SMAD1: variants seen among roughly 807,000 people sequenced by gnomAD.
SMAD1 encodes the protein MAD, mothers against decapentaplegic homolog 1.
Under a neutral mutation model 41.6 loss-of-function variants are expected in SMAD1, and 6 were observed. The observed-to-expected ratio is 0.14, with a 90% CI of 0.08 to 0.28. The LOEUF is 0.28. SMAD1 is among the 10% of genes least tolerant of loss of function. The pLI, the probability that SMAD1 is intolerant of heterozygous loss-of-function variation, is 1.00. For missense variants in SMAD1, 379 were observed against 582.6 expected (o/e 0.65, Z 3.60); for synonymous variants, 206 against 203.2 (o/e 1.01, Z -0.12).
At chr4:145,540,173 T>G (rs1731842259) in intron 3 of SMAD1, 112 bp downstream of exon 3, 4 of 1,220,678 alleles carry the variant, frequency 3.3e-6, no homozygotes, top group Non-Finnish European at 4.7e-6. Context: ...CCCTGGTATA[T>G]GACATAGTGC....
intron 2 of SMAD1, among the ~76,000 whole-genome samples, chr4:145,528,252 C>T (rs1050054726): frequency 1.3e-5 from 2 of 151,908 alleles, no homozygotes; most frequent in Non-Finnish European, 1.5e-5. Flanking sequence ...TACAGGCGCC[C>T]GCCACTACAC....
upstream of SMAD1, chr4:145,481,647 C>G (rs540456217): frequency 6.5e-6 from 1 of 153,490 alleles, no homozygotes; most frequent in African/African-American, 2.4e-5. Context: ...GCCGCTCCCC[C>G]GCGCCGTCCT....
At chr4:145,533,897 A>G (rs1731463817) in intron 2 of SMAD1, among the ~76,000 whole-genome samples, 1 of 152,190 alleles carries the variant, frequency 6.6e-6, no homozygotes, top group African/African-American at 2.4e-5. Flanking sequence ...ACTGAGTTGC[A>G]TGCCCCAAAA....
intron 2 of SMAD1, among the ~76,000 whole-genome samples, chr4:145,522,273 A>C (rs1209340769): frequency 6.6e-6 from 1 of 151,682 alleles, no homozygotes; most frequent in Admixed American, 6.6e-5. Context: ...CACTCCAGCC[A>C]GGGCGACAGA....
chr4:145,486,537 T>A (rs1290561410), intron 1 of SMAD1, among the ~76,000 whole-genome samples: 1 of 152,218 alleles, frequency 6.6e-6, no homozygotes, highest in Admixed American at 6.5e-5. Flanking sequence ...TCGATGAAAC[T>A]ATGGATCTTG....
intron 2 of SMAD1, among the ~76,000 whole-genome samples, chr4:145,529,011 A>C (rs1210962177): frequency 6.6e-6 from 1 of 152,230 alleles, no homozygotes; most frequent in Non-Finnish European, 1.5e-5. Context: ...ACAGCTTGGT[A>C]TGTGGCACTT....
intron 5 of SMAD1, 90 bp downstream of exon 5, chr4:145,547,014 G>C (rs375845880): frequency 3.2e-5 from 34 of 1,047,428 alleles, no homozygotes; most frequent in Middle Eastern, 4.1e-4. Flanking sequence ...GTAACAAACT[G>C]TTGTAGCAAA....
chr4:145,535,937 C>A (rs1731587187), intron 2 of SMAD1, among the ~76,000 whole-genome samples: 7 of 141,584 alleles, frequency 4.9e-5, no homozygotes, highest in South Asian at 2.2e-4. Flanking sequence ...GGGATGAATC[C>A]AAGTAGATTT....
chr4:145,493,902 A>G (rs1172208541), intron 1 of SMAD1, among the ~76,000 whole-genome samples: 1 of 152,220 alleles, frequency 6.6e-6, no homozygotes, highest in Non-Finnish European at 1.5e-5. Flanking sequence ...TGGGGAAAAA[A>G]GTCTGATGCA....
chr4:145,536,356 T>C (rs1232995484), intron 2 of SMAD1, among the ~76,000 whole-genome samples: 1 of 151,994 alleles, frequency 6.6e-6, no homozygotes, highest in Non-Finnish European at 1.5e-5. Flanking sequence ...GCTGGAGTGG[T>C]GGAAAGGGAA....
At chr4:145,506,689 TAAA>T (rs375810018) in intron 1 of SMAD1, among the ~76,000 whole-genome samples, 2 of 151,442 alleles carry the variant, frequency 1.3e-5, no homozygotes, top group East Asian at 1.9e-4. Flanking sequence ...TTAGGGTAAT[TAAA>T]AAAAAACTTT....
Position 145,516,524 on chromosome 4 carries a change from G to C in SMAD1, c.400+1511G>C, listed in dbSNP as rs944818622. Among the ~76,000 whole-genome samples, 3 of 151,884 alleles carry C rather than the reference G, an allele frequency of 2.0e-5. No homozygotes were observed. In the South Asian group the frequency reaches 6.2e-4, roughly 32 times the overall value. ...TATTTCTAGATAACTGGTTTTTATT[G>C]TATCCTTTTAAAAGTTACATTTTGT... is the stretch of plus-strand genomic sequence containing the variant. On this transcript the variant is annotated intron_variant, in intron 2 of 6. Transcript: ENST00000302085.
At chr4:145,494,276 G>T (rs1277310629) in intron 1 of SMAD1, among the ~76,000 whole-genome samples, 1 of 152,086 alleles carries the variant, frequency 6.6e-6, no homozygotes, top group African/African-American at 2.4e-5. Context: ...CATTCTTTCA[G>T]CAAGGTTTTG....
chr4:145,493,385 T>C (rs928148549), intron 1 of SMAD1, among the ~76,000 whole-genome samples: 3 of 152,266 alleles, frequency 2.0e-5, no homozygotes, highest in Non-Finnish European at 2.9e-5. Context: ...TTTTTGCACA[T>C]TGCTGGCTTT....
intron 2 of SMAD1, among the ~76,000 whole-genome samples, chr4:145,537,634 T>C (rs1731688218): frequency 6.6e-6 from 1 of 152,204 alleles, no homozygotes; most frequent in African/African-American, 2.4e-5. Flanking sequence ...AGATAAATTG[T>C]AGTTTATATA....
intron 1 of SMAD1, among the ~76,000 whole-genome samples, chr4:145,504,435 T>C (rs1311877062): frequency 1.3e-5 from 2 of 152,248 alleles, no homozygotes; most frequent in African/African-American, 4.8e-5. Context: ...ACCTTAAGGG[T>C]AGATATTTAT....
rs1323736413 is a variant in SMAD1 at position 145,558,724 on chromosome 4, T to C, written c.*790T>C. Among the ~76,000 whole-genome samples, 1 of 106,334 alleles carries C rather than the reference T, an allele frequency of 9.4e-6. No individual in the cohort carries two copies. The highest frequency in any genetic ancestry group is 3.8e-5 in the African/African-American group (1 of 26,636). 69.8% of individuals were successfully genotyped at this position (106,334 alleles called of 152,430 possible). A position where few individuals can be genotyped will look rare whatever the true frequency, so the allele number is the denominator to read the frequency against. ...TGTTTCCATTTTTTAGAGATTTTTATCATTTTTTTCTCTCTCGGCATTCTT... is the reference window on the plus strand; with the variant it reads ...TGTTTCCATTTTTTAGAGATTTTTACCATTTTTTTCTCTCTCGGCATTCTT... On this transcript the variant is annotated 3_prime_UTR_variant, in exon 7 of 7. Coordinates refer to ENST00000302085, the MANE Select transcript of SMAD1 (RefSeq NM_005900.3).
chr4:145,504,992 C>G (rs750463182), intron 1 of SMAD1, among the ~76,000 whole-genome samples: 3 of 152,148 alleles, frequency 2.0e-5, no homozygotes, highest in Non-Finnish European at 4.4e-5. Flanking sequence ...AACCCTACGT[C>G]TTTAGTGTAT....
At chr4:145,535,790 TAC>T (rs143915999) in intron 2 of SMAD1, among the ~76,000 whole-genome samples, 1 of 151,956 alleles carries the variant, frequency 6.6e-6, no homozygotes, top group Admixed American at 6.6e-5. Flanking sequence ...GCTTTTTAAA[TAC>T]ACACAATAAG....
Sources: allele counts gnomAD v4.1 joint callset (sites outside exome capture counted in the v4.1 genomes callset), GRCh38; gene constraint gnomAD v4.1.1; transcripts MANE v1.5; gene names NCBI Gene and HGNC (gene_info 2026-07-23, HGNC 2026-07-21).